The following RBFOX1 variants were observed in gnomAD, a reference collection of about 807,000 sequenced individuals.
The protein encoded by RBFOX1 is RNA binding fox-1 homolog 1.
In RBFOX1, 8 loss-of-function variants were observed where a neutral mutation model predicts 57.7. The ratio of observed to expected loss-of-function variants is 0.14; its 90% confidence interval spans 0.08 to 0.25. The LOEUF is 0.25. Among genes scored for constraint, RBFOX1 ranks in the 10% least tolerant of loss-of-function variants. The pLI is 1.00. For synonymous variants in RBFOX1, 326 were observed against 222.4 expected (o/e 1.47, Z -4.15); for missense variants, 611 against 548.5 (o/e 1.11, Z -1.14).
chr16:6,231,694 A>G (rs552197916), intron 1 of RBFOX1, among the ~76,000 whole-genome samples: 1 of 152,348 alleles, frequency 6.6e-6, no homozygotes, highest in South Asian at 2.1e-4. Flanking sequence ...TTGATTAGGC[A>G]TGTCTGCCCT....
At chr16:7,404,819 G>A (rs1298162812) in intron 4 of RBFOX1, among the ~76,000 whole-genome samples, 1 of 152,092 alleles carries the variant, frequency 6.6e-6, no homozygotes, top group African/African-American at 2.4e-5. Flanking sequence ...TTTCACTGAC[G>A]CAGAAACAGA....
intron 2 of RBFOX1, among the ~76,000 whole-genome samples, chr16:5,515,019 C>T (rs1421820950): frequency 2.6e-5 from 4 of 152,030 alleles, no homozygotes; most frequent in Non-Finnish European, 4.4e-5. Flanking sequence ...TACATGGTGT[C>T]AGAGGGAGGA....
chr16:6,639,370 T>C (rs1010127112), intron 2 of RBFOX1, among the ~76,000 whole-genome samples: 1 of 152,164 alleles, frequency 6.6e-6, no homozygotes, highest in Non-Finnish European at 1.5e-5. Flanking sequence ...GGTGTTGAGA[T>C]AGACTATCTA....
chr16:6,673,822 TG>T (rs2098783459), intron 3 of RBFOX1, among the ~76,000 whole-genome samples: 2 of 152,072 alleles, frequency 1.3e-5, no homozygotes, highest in Admixed American at 1.3e-4. Flanking sequence ...GGACAGAGAA[TG>T]ATAGCCAAGA....
intron 3 of RBFOX1, among the ~76,000 whole-genome samples, chr16:6,817,583 G>C (rs975802698): frequency 6.6e-6 from 1 of 150,786 alleles, no homozygotes; most frequent in Admixed American, 6.6e-5. Context: ...GCGCATGCGT[G>C]TAATTGCAGC....
At chr16:5,967,657 T>A (rs2059874327) in intron 4 of RBFOX1, among the ~76,000 whole-genome samples, 1 of 152,168 alleles carries the variant, frequency 6.6e-6, no homozygotes, top group South Asian at 2.1e-4. Context: ...TTTTAACAAA[T>A]CTATTCTCTG....
intron 4 of RBFOX1, among the ~76,000 whole-genome samples, chr16:7,221,187 A>C (rs2092699825): frequency 6.6e-6 from 1 of 152,136 alleles, no homozygotes; most frequent in South Asian, 2.1e-4. Context: ...AGTGTGAATT[A>C]AAACAGCTGC....
intron 1 of RBFOX1, among the ~76,000 whole-genome samples, chr16:6,081,971 A>G (rs2096008140): frequency 1.3e-5 from 2 of 152,134 alleles, no homozygotes; most frequent in African/African-American, 4.8e-5. Flanking sequence ...TTATAGTCAC[A>G]TGGTGTGTGG....
chr16:6,192,989 C>G (rs1048871993), intron 1 of RBFOX1, among the ~76,000 whole-genome samples: 1 of 152,040 alleles, frequency 6.6e-6, no homozygotes, highest in Admixed American at 6.6e-5. Context: ...CTGAAAAAGT[C>G]CCATTCATCT....
intron 3 of RBFOX1, among the ~76,000 whole-genome samples, chr16:6,671,373 G>T (rs975722138): frequency 7.2e-5 from 11 of 152,226 alleles, no homozygotes; most frequent in African/African-American, 2.2e-4. Flanking sequence ...CATCTTATAA[G>T]ATATTTTGAC....
chr16:5,643,981 C>A (rs144464063), intron 3 of RBFOX1, among the ~76,000 whole-genome samples: 1 of 152,162 alleles, frequency 6.6e-6, no homozygotes, highest in Admixed American at 6.5e-5. Flanking sequence ...CAAAAGGGCC[C>A]GCTGTTTTAC....
At chr16:5,465,907 A>G (rs1439711950) in intron 1 of RBFOX1, among the ~76,000 whole-genome samples, 2 of 152,154 alleles carry the variant, frequency 1.3e-5, no homozygotes, top group Admixed American at 6.5e-5. Context: ...GCAGAGCTGC[A>G]TCTGGTCTCT....
At chr16:7,580,004 A>C in intron 6 of RBFOX1, 84 bp downstream of exon 6, 1 of 1,452,422 alleles carries the variant, frequency 6.9e-7, no homozygotes, top group Non-Finnish European at 9.5e-7. Context: ...GGGTATTTAC[A>C]ATACTAAGGT....
chr16:6,458,428 A>G (rs1317578837), intron 2 of RBFOX1, among the ~76,000 whole-genome samples: 5 of 152,248 alleles, frequency 3.3e-5, no homozygotes, highest in African/African-American at 1.2e-4. Flanking sequence ...TTGATTTATT[A>G]GAAGACTCAA....
intron 3 of RBFOX1, among the ~76,000 whole-genome samples, chr16:5,614,407 A>T (rs1299482480): frequency 1.3e-5 from 2 of 152,006 alleles, no homozygotes; most frequent in South Asian, 4.2e-4. Flanking sequence ...CATAAACATT[A>T]TGTTGCTCAA....
rs111262546 is a variant in RBFOX1 at position 6,337,261 on chromosome 16, T to A, written c.-64+20204T>A. 7.2e-3 allele frequency among the ~76,000 whole-genome samples: 1,092 copies of A among 152,286 alleles called. 9 individuals carry two copies. Among genetic ancestry groups the A allele is most frequent in the African/African-American group, 0.023 (959 of 41,558 alleles). On this transcript the variant is annotated intron_variant, in intron 2 of 15. Transcript: ENST00000550418. ...GCCCTATGAGGTTCAATGGTCTCCT[T>A]TAATGGTGCATTTAAAGTCGACATG...
At chr16:5,365,590 A>G (rs1596677705) in intron 1 of RBFOX1, among the ~76,000 whole-genome samples, 1 of 152,104 alleles carries the variant, frequency 6.6e-6, no homozygotes, top group African/African-American at 2.4e-5. Context: ...AATCGCTTGT[A>G]CCCTGGAGGT....
intron 3 of RBFOX1, among the ~76,000 whole-genome samples, chr16:6,714,281 C>G (rs1203054421): frequency 6.6e-6 from 1 of 152,100 alleles, no homozygotes; most frequent in African/African-American, 2.4e-5. Context: ...ATGACCCAGT[C>G]TCAGGCATTT....
chr16:7,195,256 G>A (rs1210786493), intron 4 of RBFOX1, among the ~76,000 whole-genome samples: 1 of 152,152 alleles, frequency 6.6e-6, no homozygotes, highest in Non-Finnish European at 1.5e-5. Flanking sequence ...CTCTGGCTGA[G>A]CCTCATTCTC....
Sources: gnomAD v4.1 joint callset for allele counts (sites outside exome capture counted in the v4.1 genomes callset) on GRCh38, gnomAD v4.1.1 for gene constraint, MANE v1.5 for transcripts, NCBI Gene and HGNC (gene_info 2026-07-23, HGNC 2026-07-21) for gene names.